Variants in SCN8A observed in about 807,000 individuals in gnomAD.
SCN8A encodes the protein sodium voltage-gated channel alpha subunit 8.
In SCN8A, 30 loss-of-function variants were observed where a neutral mutation model predicts 184.1. The observed-to-expected ratio is 0.16, with a 90% CI of 0.12 to 0.22. SCN8A has a LOEUF of 0.22. SCN8A is among the 10% of genes least tolerant of loss of function. SCN8A has a pLI of 1.00. For missense variants in SCN8A, 1,057 were observed against 2,498.9 expected (o/e 0.42, Z 12.30); for synonymous variants, 852 against 907.0 (o/e 0.94, Z 1.09).
intron 20 of SCN8A, 118 bp downstream of exon 20, chr12:51,774,480 T>C: frequency 1.1e-6 from 1 of 916,672 alleles, no homozygotes; most frequent in Non-Finnish European, 1.6e-6. Context: ...GATGTAGATG[T>C]AGGTGTGGGT....
rs180778933 is a variant in SCN8A, at chr12:51,626,286, A to T, written c.-55+34927A>T. On this transcript the variant is annotated intron_variant, in intron 1 of 26. Coordinates refer to ENST00000627620, the MANE Select transcript of SCN8A (RefSeq NM_001330260.2). ...GTTAGATAAAGGAGGTGGTTCAGAGAATGGACTTTGGCTCTCGGGAGGTTT... is the reference window on the plus strand; with the variant it reads ...GTTAGATAAAGGAGGTGGTTCAGAGTATGGACTTTGGCTCTCGGGAGGTTT... Among the ~76,000 whole-genome samples, 103 of 152,234 alleles carry T rather than the reference A, an allele frequency of 6.8e-4. 1 individual carries two copies. Among genetic ancestry groups the T allele is most frequent in the African/African-American group, 2.4e-3 (98 of 41,530 alleles).
At chr12:51,730,028 T>C (rs1294565843) in intron 12 of SCN8A, among the ~76,000 whole-genome samples, 1 of 152,152 alleles carries the variant, frequency 6.6e-6, no homozygotes, top group Non-Finnish European at 1.5e-5. Flanking sequence ...ATGTTCCAGA[T>C]ACAAGTCAAA....
At chr12:51,677,475 T>C (rs1441126332) in intron 2 of SCN8A, among the ~76,000 whole-genome samples, 1 of 152,156 alleles carries the variant, frequency 6.6e-6, no homozygotes, top group East Asian at 1.9e-4. Flanking sequence ...AAACTAGCTG[T>C]ACTGCAGTCC....
chr12:51,624,752 C>T (rs1446272616), intron 1 of SCN8A, among the ~76,000 whole-genome samples: 1 of 152,052 alleles, frequency 6.6e-6, no homozygotes, highest in Non-Finnish European at 1.5e-5. Context: ...TTAGGTCTAA[C>T]GTTTAAGTCT....
intron 3 of SCN8A, among the ~76,000 whole-genome samples, chr12:51,684,527 A>G (rs551954169): frequency 6.6e-6 from 1 of 151,110 alleles, no homozygotes; most frequent in East Asian, 2.0e-4. Context: ...GTTTGGTATC[A>G]TTGTATGGAC....
At chr12:51,621,598 A>G (rs1179730323) in intron 1 of SCN8A, among the ~76,000 whole-genome samples, 7 of 152,236 alleles carry the variant, frequency 4.6e-5, no homozygotes, top group African/African-American at 1.7e-4. Context: ...GTATATGATG[A>G]TGATTCTTGG....
rs575455479 is a variant in SCN8A, at chr12:51,617,250, G to T, written c.-55+25891G>T. Among the ~76,000 whole-genome samples the T allele has an allele frequency of 7.9e-5, 12 of 152,088 alleles. No homozygotes were observed. In the South Asian group the frequency reaches 2.5e-3, roughly 32 times the overall value. ...TTTGATACAAATGTTAAGTCTTTTG[G>T]TGTTGTCCCATGGGTCATTGAGATT... is the stretch of plus-strand genomic sequence containing the variant. On this transcript the variant is annotated intron_variant, in intron 1 of 26. Coordinates refer to ENST00000627620, the MANE Select transcript of SCN8A (RefSeq NM_001330260.2).
intron 12 of SCN8A, among the ~76,000 whole-genome samples, chr12:51,737,690 C>T (rs1018476001): frequency 1.3e-5 from 2 of 152,094 alleles, no homozygotes; most frequent in African/African-American, 2.4e-5. Context: ...TAAACCAGCA[C>T]GAGAAATTGA....
intron 12 of SCN8A, among the ~76,000 whole-genome samples, chr12:51,732,071 T>C (rs1035614953): frequency 4.0e-4 from 61 of 152,210 alleles, no homozygotes; most frequent in African/African-American, 1.4e-3. Context: ...CTTTTTAACT[T>C]GATGTGATCC....
At chr12:51,770,011 G>A in intron 18 of SCN8A, 26 bp downstream of exon 18, 1 of 1,447,464 alleles carries the variant, frequency 6.9e-7, no homozygotes, top group Middle Eastern at 2.1e-4. Context: ...GAGCGGATGG[G>A]CTGGGGACAC....
At chr12:51,789,543 T>A in intron 24 of SCN8A, 125 bp downstream of exon 24, 4 of 1,112,768 alleles carry the variant, frequency 3.6e-6, no homozygotes, top group Non-Finnish European at 5.2e-6. Context: ...TAGCTCACTG[T>A]GACCCTGGCC....
At chr12:51,731,283 G>A (rs1171631437) in intron 12 of SCN8A, among the ~76,000 whole-genome samples, 1 of 151,700 alleles carries the variant, frequency 6.6e-6, no homozygotes, top group African/African-American at 2.4e-5. Flanking sequence ...TGTCGCCCAG[G>A]CTGGAGTGCA....
Position 51,713,199 on chromosome 12 carries a change from A to G in SCN8A, c.1635+6484A>G, listed in dbSNP as rs116160580. On this transcript the variant is annotated intron_variant, in intron 11 of 26. Transcript: ENST00000627620. ...AGTCTCTCAAATTATATTCCTTTGT[A>G]TCTTCTGTAATACCACCAACAAAAA... The G allele has an allele frequency of 1.8e-3, 2,140 of 1,162,780 alleles. 24 individuals are homozygous for G. The African/African-American group carries it at 0.028, about 15-fold the overall frequency. 72.0% of individuals were successfully genotyped at this position (1,162,780 alleles called of 1,614,324 possible). A position where few individuals can be genotyped will look rare whatever the true frequency, so the allele number is the denominator to read the frequency against.
chr12:51,603,918 T>G (rs889190145), intron 1 of SCN8A, among the ~76,000 whole-genome samples: 1 of 152,228 alleles, frequency 6.6e-6, no homozygotes, highest in South Asian at 2.1e-4. Flanking sequence ...ATTCTTACTA[T>G]GAGTTTTGAG....
At chr12:51,762,998 G>T (rs781749541) in intron 15 of SCN8A, among the ~76,000 whole-genome samples, 2 of 152,076 alleles carry the variant, frequency 1.3e-5, no homozygotes, top group East Asian at 3.9e-4. Flanking sequence ...CTCCCCCAAG[G>T]CCCAGTGTGA....
chr12:51,787,475 T>TA (rs1938118513), intron 22 of SCN8A, among the ~76,000 whole-genome samples: 1 of 152,228 alleles, frequency 6.6e-6, no homozygotes, highest in African/African-American at 2.4e-5. Flanking sequence ...ATTAGACTGT[T>TA]ATAGATTTGA....
chr12:51,671,314 T>G (rs1592369163), intron 2 of SCN8A, among the ~76,000 whole-genome samples: 1 of 152,260 alleles, frequency 6.6e-6, no homozygotes, highest in African/African-American at 2.4e-5. Context: ...ATATGGAGGG[T>G]ACCTGTGTTC....
intron 1 of SCN8A, among the ~76,000 whole-genome samples, chr12:51,594,961 T>C (rs1191119492): frequency 2.0e-5 from 3 of 152,176 alleles, no homozygotes; most frequent in African/African-American, 7.2e-5. Flanking sequence ...CCTTTAGAAA[T>C]GTTCCAAAAA....
At chr12:51,763,277 GT>G (rs1455231642) in intron 15 of SCN8A, among the ~76,000 whole-genome samples, 1 of 152,164 alleles carries the variant, frequency 6.6e-6, no homozygotes, top group Non-Finnish European at 1.5e-5. Flanking sequence ...CAACCGTCCT[GT>G]TTTTCACTTT....
Sources: allele counts gnomAD v4.1 joint callset (sites outside exome capture counted in the v4.1 genomes callset), GRCh38; gene constraint gnomAD v4.1.1; transcripts MANE v1.5; gene names NCBI Gene and HGNC (gene_info 2026-07-23, HGNC 2026-07-21).